Variants in WDR59 observed in about 807,000 individuals in gnomAD.
WDR59 encodes the protein WD repeat domain 59.
In WDR59, 100 loss-of-function variants were observed where a neutral mutation model predicts 131.2. The observed-to-expected ratio is 0.76, with a 90% CI of 0.65 to 0.90. WDR59 has a LOEUF of 0.90. Ranked by LOEUF, WDR59 falls within the 40% of genes least tolerant of loss-of-function variation. The pLI, the probability that WDR59 is intolerant of heterozygous loss-of-function variation, is 0.00. For missense variants in WDR59, 1,203 were observed against 1,262.2 expected, an observed-to-expected ratio of 0.95 and a Z score of 0.71; for synonymous variants, 601 against 466.2, an observed-to-expected ratio of 1.29 and a Z score of -3.72.
At chr16:74,917,865 T>A in intron 11 of WDR59, 64 bp downstream of exon 11, 44 of 1,120,632 alleles carry the variant, frequency 3.9e-5, no homozygotes, top group Non-Finnish European at 4.9e-5. Flanking sequence ...TTTCCGCAAA[T>A]CCTGAATCTT....
At chr16:74,952,462 A>AC (rs1220230946) in intron 3 of WDR59, among the ~76,000 whole-genome samples, 2 of 150,564 alleles carry the variant, frequency 1.3e-5, no homozygotes, top group African/African-American at 4.9e-5. Flanking sequence ...AAAAAAAAAA[A>AC]AAAAGAAAAG....
rs1181233727 is a variant in WDR59, at chr16:74,981,660, A to ATTTT, written c.54+3300_54+3303dup. Among the ~76,000 whole-genome samples the ATTTT allele has an allele frequency of 1.7e-4, 14 of 80,854 alleles. 2 individuals are homozygous for ATTTT. Among genetic ancestry groups the ATTTT allele is most frequent in the African/African-American group, 6.6e-4 (9 of 13,584 alleles). The allele number at this position is 80,854 out of a possible 152,430, so 53.0% of individuals were successfully genotyped here. ...TATATATATATATATATATATATAT[A>ATTTT]TTTTTTTTTTTTTTAGATGGAGTCT... On this transcript the variant is annotated intron_variant, in intron 1 of 25. Coordinates refer to ENST00000262144, the MANE Select transcript of WDR59 (RefSeq NM_030581.4).
intron 8 of WDR59, among the ~76,000 whole-genome samples, chr16:74,931,644 C>A (rs375825915): frequency 1.3e-5 from 2 of 152,016 alleles, no homozygotes; most frequent in South Asian, 4.1e-4. Context: ...GCTGAACTTT[C>A]TATAATAATA....
At position 74,903,974 on chromosome 16, in the gene WDR59, G is replaced by A; in HGVS notation, c.1839C>T (p.Ser613=). 6.2e-7 allele frequency: 1 copy of A among 1,609,836 alleles called. No individual in the cohort carries two copies. Among genetic ancestry groups the A allele is most frequent in the Non-Finnish European group, 8.5e-7 (1 of 1,178,690 alleles). The change falls in exon 18 of 26, where the codon TCC becomes TCT. Residue 613 remains serine, a synonymous_variant. Coordinates refer to ENST00000262144, the MANE Select transcript of WDR59 (RefSeq NM_030581.4). ...GCTCCTTGTAGTAGAAGGAGCTGAT[G>A]GAGACCTGCTCTTTCTCGCTGCGAG... ...SPTRSEKEQV[S]ISSFYYKERK...
At chr16:74,938,603 C>G (rs2031987711) in intron 7 of WDR59, among the ~76,000 whole-genome samples, 1 of 152,166 alleles carries the variant, frequency 6.6e-6, no homozygotes, top group South Asian at 2.1e-4. Flanking sequence ...GTGGCACGAT[C>G]ACAGCTCACT....
rs747756694 is a variant in WDR59, at chr16:74,888,162, A to G, written c.2346+7T>C. Reference sequence around the variant, plus strand: ...AATCAGACAAAACCAGAAAAGGACAAACTTACATATCGACTATGGGACACC... The same window carrying G: ...AATCAGACAAAACCAGAAAAGGACAGACTTACATATCGACTATGGGACACC... On this transcript the variant is annotated splice_region_variant and intron_variant, in intron 22 of 25. Coordinates refer to ENST00000262144, the MANE Select transcript of WDR59 (RefSeq NM_030581.4). 4.4e-5 allele frequency: 69 copies of G among 1,572,130 alleles called. No homozygotes were observed. Among genetic ancestry groups the G allele is most frequent in the Non-Finnish European group, 5.2e-5 (61 of 1,166,242 alleles).
chr16:74,886,351 G>A lies in WDR59; in HGVS notation c.2465C>T (p.Ser822Leu), dbSNP rs1356885497. The A allele has an allele frequency of 3.7e-6, 6 of 1,613,994 alleles. No homozygotes were observed. In the South Asian group the frequency reaches 5.5e-5, roughly 15 times the overall value. ...ACTCCCAAAGCGGAGCTCTTCTGGTGAGGATTCTCCCCAAGGGGAGGACAA... is the reference window on the plus strand; with the variant it reads ...ACTCCCAAAGCGGAGCTCTTCTGGTAAGGATTCTCCCCAAGGGGAGGACAA... ...EHLSSPWGESSPEELRFGSLT... is the reference protein window; with the variant it reads ...EHLSSPWGESLPEELRFGSLT... Residue 822 changes from serine to leucine, a missense_variant, in exon 24 of 26, where the codon TCA becomes TTA. Transcript: ENST00000262144.
intron 18 of WDR59, among the ~76,000 whole-genome samples, chr16:74,903,421 T>A (rs1265005212): frequency 2.0e-5 from 3 of 151,850 alleles, no homozygotes; most frequent in Non-Finnish European, 4.4e-5. Flanking sequence ...ACTAGGCACA[T>A]AAGGACAAGC....
intron 1 of WDR59, 31 bp downstream of exon 1, chr16:74,984,933 C>T: frequency 1.9e-6 from 3 of 1,599,046 alleles, no homozygotes; most frequent in Non-Finnish European, 2.6e-6. Context: ...AGGACGCATG[C>T]CCAGAGGGCT....
intron 14 of WDR59, chr16:74,911,912 T>G (rs377561107): frequency 3.8e-6 from 2 of 529,824 alleles, no homozygotes; most frequent in African/African-American, 3.8e-5. Context: ...ACAGGCAATA[T>G]TTCTCAAATC....
intron 6 of WDR59, 110 bp from the exon 7 acceptor site, chr16:74,942,936 C>T: frequency 1.1e-6 from 1 of 939,568 alleles, no homozygotes. Context: ...AAGCCCAGAA[C>T]CCTTCAAGTT....
In WDR59 at chr16:74,903,996, C is replaced by T. The variant is rs1342952465; in HGVS notation, c.1817G>A (p.Arg606His). The change falls in exon 18 of 26, where the codon CGC becomes CAC. Residue 606 changes from arginine (R) to histidine (H), a missense_variant. By Grantham distance (29) the Arg-to-His change is conservative. Transcript: ENST00000262144. ...GATGGAGACCTGCTCTTTCTCGCTGCGAGTGGGGCTCCCACTGTATAAACG... is the reference window on the plus strand; with the variant it reads ...GATGGAGACCTGCTCTTTCTCGCTGTGAGTGGGGCTCCCACTGTATAAACG... Reference protein sequence around the residue: ...NLRLYSGSPTRSEKEQVSISS... With the variant: ...NLRLYSGSPTHSEKEQVSISS... 6 of 1,611,260 alleles carry T rather than the reference C, an allele frequency of 3.7e-6. No homozygotes were observed. Among genetic ancestry groups the T allele is most frequent in the Admixed American group, 3.3e-5 (2 of 59,750 alleles).
In WDR59 at chr16:74,872,213, C is replaced by T. The variant is rs112094237; in HGVS notation, c.*1996G>A. The T allele has an allele frequency of 6.6e-6, 1 of 152,172 alleles. No individual in the cohort carries two copies. The highest frequency in any genetic ancestry group is 2.4e-5 in the African/African-American group (1 of 41,434). The allele number at this position is 152,172 out of a possible 1,614,324, so 9.4% of individuals were successfully genotyped here. Reference sequence around the variant, plus strand: ...CGCACTAGATCAATGTCACAATCCACTAATGGGTCCTGACCTGGAGTTTGA... The same window carrying T: ...CGCACTAGATCAATGTCACAATCCATTAATGGGTCCTGACCTGGAGTTTGA... On this transcript the variant is annotated 3_prime_UTR_variant, in exon 26 of 26. Coordinates refer to ENST00000262144, the MANE Select transcript of WDR59 (RefSeq NM_030581.4).
intron 10 of WDR59, among the ~76,000 whole-genome samples, chr16:74,921,667 C>T (rs1206994033): frequency 1.3e-5 from 2 of 152,190 alleles, no homozygotes; most frequent in East Asian, 3.9e-4. Context: ...AACAATCCAA[C>T]AGCAAATCTC....
intron 10 of WDR59, among the ~76,000 whole-genome samples, chr16:74,919,249 A>C (rs2029911461): frequency 6.6e-6 from 1 of 151,566 alleles, no homozygotes; most frequent in Non-Finnish European, 1.5e-5. Context: ...TCATTCACTA[A>C]AACCGGTTCC....
intron 17 of WDR59, among the ~76,000 whole-genome samples, chr16:74,907,184 C>T (rs1302161540): frequency 6.6e-6 from 1 of 152,174 alleles, no homozygotes; most frequent in African/African-American, 2.4e-5. Flanking sequence ...GGCAAAACAG[C>T]AGTGTCTGCT....
chr16:74,926,618 T>G (rs769390925), intron 8 of WDR59, among the ~76,000 whole-genome samples: 2 of 152,152 alleles, frequency 1.3e-5, no homozygotes, highest in Admixed American at 6.6e-5. Context: ...TTTAGAGACT[T>G]AATAAAGTAT....
At chr16:74,915,751 CAG>C in intron 13 of WDR59, 117 bp downstream of exon 13, 2 of 1,463,806 alleles carry the variant, frequency 1.4e-6, no homozygotes, top group Non-Finnish European at 9.4e-7. Flanking sequence ...AAAAAGCAAG[CAG>C]AGAGAGTTCT....
intron 8 of WDR59, among the ~76,000 whole-genome samples, chr16:74,927,182 T>G (rs2145029375): frequency 6.6e-6 from 1 of 152,290 alleles, no homozygotes; most frequent in East Asian, 1.9e-4. Context: ...AATTAATGAT[T>G]TAGATTGAAA....
Sources: allele counts gnomAD v4.1 joint callset (sites outside exome capture counted in the v4.1 genomes callset), GRCh38; gene constraint gnomAD v4.1.1; transcripts MANE v1.5; gene names NCBI Gene and HGNC (gene_info 2026-07-23, HGNC 2026-07-21).